KCTD7: variants seen among roughly 807,000 people sequenced by gnomAD.
The protein encoded by KCTD7 is potassium channel tetramerization domain containing 7.
KCTD7 carries 15 observed loss-of-function variants against 27.0 expected under a neutral mutation model. The observed-to-expected ratio is 0.56, with a 90% CI of 0.37 to 0.86. The LOEUF (loss-of-function observed/expected upper bound fraction) is 0.86. KCTD7 is among the 40% of genes least tolerant of loss of function. The probability of loss-of-function intolerance (pLI) is 0.00; values close to 1 mark genes in which losing one functional copy is unlikely to be tolerated. For synonymous variants in KCTD7, 159 were observed against 162.7 expected, an observed-to-expected ratio of 0.98 and a Z score of 0.17; for missense variants, 299 against 398.9, an observed-to-expected ratio of 0.75 and a Z score of 2.13.
intron 2 of KCTD7, among the ~76,000 whole-genome samples, chr7:66,637,727 G>A (rs1020968236): frequency 7.9e-5 from 12 of 152,096 alleles, no homozygotes; most frequent in Non-Finnish European, 1.5e-4. Flanking sequence ...GGTTGCTTCC[G>A]TAGGGATTAA....
intron 2 of KCTD7, among the ~76,000 whole-genome samples, chr7:66,636,920 G>A (rs964430153): frequency 6.6e-6 from 1 of 152,208 alleles, no homozygotes; most frequent in African/African-American, 2.4e-5. Context: ...CATAGCTACA[G>A]AATAATACTA....
rs759212585 is a variant in KCTD7, at chr7:66,640,452, C to T, written c.*1220C>T. The stretch of plus-strand genomic sequence containing the variant: ...CTGCATTTCCTTCTTGCTCTGTCTA[C>T]AGCCTAGGCCAACTAGTCAGGGTCT... On this transcript the variant is annotated 3_prime_UTR_variant, in exon 4 of 4. Transcript: ENST00000639828. The T allele has an allele frequency of 2.0e-6, 3 of 1,537,140 alleles. No individual in the cohort carries two copies. The highest frequency in any genetic ancestry group is 2.6e-6 in the Non-Finnish European group (3 of 1,146,820).
chr7:66,643,204 T>C (rs1786759959), downstream of KCTD7: 4 of 985,298 alleles, frequency 4.1e-6, no homozygotes, highest in South Asian at 1.9e-4. Flanking sequence ...AGCAGCTGAA[T>C]TTCTGCCCTG....
In KCTD7 at chr7:66,640,921, A is replaced by T; in HGVS notation, c.*1689A>T. On this transcript the variant is annotated 3_prime_UTR_variant, in exon 4 of 4. Coordinates refer to ENST00000639828, the MANE Select transcript of KCTD7 (RefSeq NM_153033.5). Reference sequence around the variant, plus strand: ...AGATAGACAAGATGGGTATAAGGGGAGCTGAAGTCTGTGTTCATATGAGGA... The same window carrying T: ...AGATAGACAAGATGGGTATAAGGGGTGCTGAAGTCTGTGTTCATATGAGGA... 1 of 985,656 alleles carries T rather than the reference A, an allele frequency of 1.0e-6. No homozygotes were observed. The highest frequency in any genetic ancestry group is 4.7e-5 in the South Asian group (1 of 21,312). 61.1% of individuals were successfully genotyped at this position (985,656 alleles called of 1,614,324 possible). A position where few individuals can be genotyped will look rare whatever the true frequency, so the allele number is the denominator to read the frequency against.
chr7:66,639,970 C>G lies in KCTD7; in HGVS notation c.*738C>G, dbSNP rs755200443. The G allele has an allele frequency of 8.5e-5, 107 of 1,253,542 alleles. No homozygotes were observed. Among genetic ancestry groups the G allele is most frequent in the Middle Eastern group, 6.0e-4 (2 of 3,306 alleles). The allele number at this position is 1,253,542 out of a possible 1,614,324, so 77.7% of individuals were successfully genotyped here. A position where few individuals can be genotyped will look rare whatever the true frequency, so the allele number is the denominator to read the frequency against. On this transcript the variant is annotated 3_prime_UTR_variant, in exon 4 of 4. Transcript: ENST00000639828. ...CCTTCCTTGCTTGCAGGGTTATCTT[C>G]TCACAGGGCTGGAATGCAAATTTCA...
At position 66,641,401 on chromosome 7, in the gene KCTD7, C is replaced by T; in HGVS notation, c.*2169C>T. On this transcript the variant is annotated 3_prime_UTR_variant, in exon 4 of 4. Transcript: ENST00000639828. Reference sequence around the variant, plus strand: ...AGTAATGTGGCCTTGACCCCTTCTGCTTCCCCCTTCTCCCATGGAGCATGG... The same window carrying T: ...AGTAATGTGGCCTTGACCCCTTCTGTTTCCCCCTTCTCCCATGGAGCATGG... The T allele has an allele frequency of 1.0e-6, 1 of 985,426 alleles. No individual in the cohort carries two copies. 61.0% of individuals were successfully genotyped at this position (985,426 alleles called of 1,614,324 possible).
chr7:66,635,701 A>T (rs1796214), intron 2 of KCTD7, among the ~76,000 whole-genome samples: 2 of 142,030 alleles, frequency 1.4e-5, no homozygotes, highest in Non-Finnish European at 3.1e-5. Context: ...CCCCTGGTCA[A>T]ATAACTTGCT....
At chr7:66,636,521 G>C (rs1316183336) in intron 2 of KCTD7, among the ~76,000 whole-genome samples, 1 of 151,700 alleles carries the variant, frequency 6.6e-6, no homozygotes, top group Non-Finnish European at 1.5e-5. Flanking sequence ...GTTGTATTAG[G>C]TCATAGACTA....
chr7:66,632,245 G>T lies in KCTD7; in HGVS notation c.145-1030G>T, dbSNP rs540730721. On this transcript the variant is annotated intron_variant, in intron 1 of 3. Transcript: ENST00000639828. ...GCTCACGCCGGTAATCCCAGCACTT[G>T]GGGAGGCCAAGGCGGGCGGATCATG... Among the ~76,000 whole-genome samples the T allele has an allele frequency of 2.6e-5, 4 of 151,294 alleles. No individual in the cohort carries two copies. In the East Asian group the frequency reaches 5.9e-4, roughly 22 times the overall value.
At chr7:66,637,773 A>G (rs1786620960) in intron 2 of KCTD7, among the ~76,000 whole-genome samples, 1 of 152,166 alleles carries the variant, frequency 6.6e-6, no homozygotes, top group Admixed American at 6.5e-5. Flanking sequence ...AGGAATGGAA[A>G]TGTTTCATCT....
rs528547026 is a variant in KCTD7, at chr7:66,629,664, C to T, written c.144+456C>T. The stretch of plus-strand genomic sequence containing the variant: ...CAGCCTGGGCAACATAGCGAGGCCC[C>T]GTCCCTACTACGACTGGAAAAACAA... On this transcript the variant is annotated intron_variant, in intron 1 of 3. Transcript: ENST00000639828. 2.0e-5 allele frequency among the ~76,000 whole-genome samples: 3 copies of T among 151,960 alleles called. No individual in the cohort carries two copies. The South Asian group carries it at 6.2e-4, about 32-fold the overall frequency.
At chr7:66,638,713 C>T (rs947809084) in intron 3 of KCTD7, 143 bp from the exon 4 acceptor site, 5 of 1,035,566 alleles carry the variant, frequency 4.8e-6, no homozygotes, top group Middle Eastern at 3.1e-4. Context: ...TTGTGCCCTT[C>T]ATTGGCCCCC....
rs3764904 is a variant in KCTD7, at chr7:66,633,397, G to A, written c.267G>A (p.Thr89=). The A allele has an allele frequency of 0.11, 175,740 of 1,613,866 alleles. 10,564 individuals carry two copies. The highest frequency in any genetic ancestry group is 0.16 in the East Asian group (7,087 of 44,854). Residue 89 remains threonine (T), a synonymous_variant, in exon 2 of 4, where the codon ACG becomes ACA. Coordinates refer to ENST00000639828, the MANE Select transcript of KCTD7 (RefSeq NM_153033.5). ...TCAGTGGGCGGCACTACATCCCCAC[G>A]GACTCCGAGGGCCGGTACTTCATCG... ...AMFSGRHYIP[T]DSEGRYFIDR... is the part of the protein sequence containing the mutation.
Position 66,638,307 on chromosome 7 carries a change from A to C in KCTD7, c.369A>C (p.Arg123=), listed in dbSNP as rs753658170. The part of the protein sequence containing the change: ...SGDLPPRERV[R]AVYKEAQYYA... ...ACCTCCCACCCAGGGAGCGTGTTCG[A>C]GCTGTGTACAAAGAGGCCCAGTACT... Residue 123 remains arginine, a synonymous_variant, in exon 3 of 4, where the codon CGA becomes CGC. Transcript: ENST00000639828. 12 of 1,614,064 alleles carry C rather than the reference A, an allele frequency of 7.4e-6. No homozygotes were observed. Among genetic ancestry groups the C allele is most frequent in the South Asian group, 2.2e-5 (2 of 91,090 alleles).
chr7:66,639,529 GAGA>G lies in KCTD7; in HGVS notation c.*300_*302del. On this transcript the variant is annotated 3_prime_UTR_variant, in exon 4 of 4. Coordinates refer to ENST00000639828, the MANE Select transcript of KCTD7 (RefSeq NM_153033.5). ...AGCTAGGGCTTGACCAGGAAGTCCCGAGAAGTTTTGTCACCTTCTTGACCTTGC... is the reference window on the plus strand; with the variant it reads ...AGCTAGGGCTTGACCAGGAAGTCCCGAGTTTTGTCACCTTCTTGACCTTGC... 1 of 1,382,532 alleles carries G rather than the reference GAGA, an allele frequency of 7.2e-7. No individual in the cohort carries two copies. Among genetic ancestry groups the G allele is most frequent in the Non-Finnish European group, 9.4e-7 (1 of 1,066,066 alleles). The allele number at this position is 1,382,532 out of a possible 1,614,324, so 85.6% of individuals were successfully genotyped here.
rs1786737653 is a variant in KCTD7, at chr7:66,642,293, C to G, written c.*3061C>G. 1.0e-6 allele frequency: 1 copy of G among 985,342 alleles called. No homozygotes were observed. The highest frequency in any genetic ancestry group is 1.7e-5 in the African/African-American group (1 of 57,238). The allele number at this position is 985,342 out of a possible 1,614,324, so 61.0% of individuals were successfully genotyped here. ...GCCTTGTTCACCAGGCTGCCCAGTG[C>G]TTACCATGCAGAAAGCAGTCAGCTG... On this transcript the variant is annotated 3_prime_UTR_variant, in exon 4 of 4. Transcript: ENST00000639828.
Position 66,640,060 on chromosome 7 carries a change from A to C in KCTD7, c.*828A>C, listed in dbSNP as rs2116777465. 1.6e-6 allele frequency: 2 copies of C among 1,264,222 alleles called. No homozygotes were observed. The highest frequency in any genetic ancestry group is 1.5e-5 in the African/African-American group (1 of 64,890). 78.3% of individuals were successfully genotyped at this position (1,264,222 alleles called of 1,614,324 possible). A position where few individuals can be genotyped will look rare whatever the true frequency, so the allele number is the denominator to read the frequency against. ...ATGCCTAGATCTTCTGTTATCTTTG[A>C]CATGTAACATCCTTTTTAGAGGCTC... is the stretch of plus-strand genomic sequence containing the variant. On this transcript the variant is annotated 3_prime_UTR_variant, in exon 4 of 4. Transcript: ENST00000639828.
chr7:66,641,099 A>C lies in KCTD7; in HGVS notation c.*1867A>C. On this transcript the variant is annotated 3_prime_UTR_variant, in exon 4 of 4. Coordinates refer to ENST00000639828, the MANE Select transcript of KCTD7 (RefSeq NM_153033.5). The stretch of plus-strand genomic sequence containing the variant: ...AGGTGGAAAAGAGGTGGATACTGAG[A>C]TCTAAGAGGAAAGGATAGTCATTCA... The C allele has an allele frequency of 1.0e-6, 1 of 985,416 alleles. No homozygotes were observed. The highest frequency in any genetic ancestry group is 1.1e-4 in the East Asian group (1 of 8,798). 61.0% of individuals were successfully genotyped at this position (985,416 alleles called of 1,614,324 possible). A position where few individuals can be genotyped will look rare whatever the true frequency, so the allele number is the denominator to read the frequency against.
At chr7:66,634,243 G>A (rs1484782117) in intron 2 of KCTD7, among the ~76,000 whole-genome samples, 2 of 141,332 alleles carry the variant, frequency 1.4e-5, no homozygotes, top group Non-Finnish European at 3.1e-5. Context: ...AATAAAGATA[G>A]GATCTTGCTG....
Sources: allele counts gnomAD v4.1 joint callset (sites outside exome capture counted in the v4.1 genomes callset), GRCh38; gene constraint gnomAD v4.1.1; transcripts MANE v1.5; gene names NCBI Gene and HGNC (gene_info 2026-07-23, HGNC 2026-07-21).